ZC3H12D: variants seen among roughly 807,000 people sequenced by gnomAD.
ZC3H12D encodes zinc finger CCCH-type containing 12D.
In ZC3H12D, 11 loss-of-function variants were observed where a neutral mutation model predicts 24.2. That is an observed-to-expected ratio of 0.46 (90% CI 0.29 to 0.75). The LOEUF is 0.75. Among genes scored for constraint, ZC3H12D ranks in the 30% least tolerant of loss-of-function variants. The pLI, the probability that ZC3H12D is intolerant of heterozygous loss-of-function variation, is 0.11. For synonymous variants in ZC3H12D, 333 were observed against 341.8 expected, an observed-to-expected ratio of 0.97 and a Z score of 0.28; for missense variants, 740 against 767.7, an observed-to-expected ratio of 0.96 and a Z score of 0.43.
At chr6:149,466,648 C>T (rs1257966598) in intron 2 of ZC3H12D, among the ~76,000 whole-genome samples, 4 of 152,094 alleles carry the variant, frequency 2.6e-5, no homozygotes, top group Non-Finnish European at 4.4e-5. Context: ...GAGGCCGAGG[C>T]GGGCGGATCA....
At chr6:149,484,071 G>C (rs1156909547) in intron 1 of ZC3H12D, among the ~76,000 whole-genome samples, 3 of 152,176 alleles carry the variant, frequency 2.0e-5, no homozygotes, top group African/African-American at 7.2e-5. Context: ...GGACACACAA[G>C]CATTTAAGCC....
At position 149,449,152 on chromosome 6, in the gene ZC3H12D, TCTC is replaced by T. The variant is rs1410055676; in HGVS notation, c.*1528_*1530del. On this transcript the variant is annotated 3_prime_UTR_variant, in exon 6 of 6. Coordinates refer to ENST00000409806, the MANE Select transcript of ZC3H12D (RefSeq NM_207360.3). ...AGCCATTGCAAATGAGTAGGCCCTT[TCTC>T]CTCAAACCCAGAGCAGTAGCTGGCT... 1 of 152,142 alleles carries T rather than the reference TCTC, an allele frequency of 6.6e-6. No individual in the cohort carries two copies. The highest frequency in any genetic ancestry group is 2.4e-5 in the African/African-American group (1 of 41,426). The allele number at this position is 152,142 out of a possible 1,614,324, so 9.4% of individuals were successfully genotyped here.
Position 149,474,323 on chromosome 6 carries a change from G to C in ZC3H12D, c.221C>G (p.Pro74Arg). The change falls in exon 2 of 6, where the codon CCG becomes CGG. Residue 74 changes from proline (P) to arginine (R), a missense_variant. By Grantham distance (103) the Pro-to-Arg change is moderately radical. Coordinates refer to ENST00000409806, the MANE Select transcript of ZC3H12D (RefSeq NM_207360.3). ...GAAGTCCTCTTCCAGGGCTGTCCCCGGGCCACGCTGGGCAGAGTCCGGGAC... is the reference window on the plus strand; with the variant it reads ...GAAGTCCTCTTCCAGGGCTGTCCCCCGGCCACGCTGGGCAGAGTCCGGGAC... ...CGVPDSAQRG[P>R]GTALEEDFRT... The C allele has an allele frequency of 6.3e-7, 1 of 1,594,078 alleles. No individual in the cohort carries two copies. Among genetic ancestry groups the C allele is most frequent in the Non-Finnish European group, 8.6e-7 (1 of 1,166,102 alleles).
intron 1 of ZC3H12D, among the ~76,000 whole-genome samples, chr6:149,484,538 A>C (rs1776471098): frequency 6.6e-6 from 1 of 152,210 alleles, no homozygotes; most frequent in Non-Finnish European, 1.5e-5. Flanking sequence ...TCCCCCAAAA[A>C]TGTCATCTGG....
intron 1 of ZC3H12D, among the ~76,000 whole-genome samples, chr6:149,480,413 T>G (rs960098160): frequency 6.6e-6 from 1 of 152,240 alleles, no homozygotes; most frequent in Admixed American, 6.5e-5. Context: ...GCACATGTTC[T>G]CACTTATAAG....
rs565370524 is a variant in ZC3H12D, at chr6:149,476,300, T to C, written c.-70-1687A>G. Among the ~76,000 whole-genome samples the C allele has an allele frequency of 3.3e-5, 5 of 152,264 alleles. No homozygotes were observed. The South Asian group carries it at 1.0e-3, about 32-fold the overall frequency. ...TGTGGGTGGATCACAAGGTCAGGAATTCGAGACCGGCCTGGCCAACATGGC... is the reference window on the plus strand; with the variant it reads ...TGTGGGTGGATCACAAGGTCAGGAACTCGAGACCGGCCTGGCCAACATGGC... On this transcript the variant is annotated intron_variant, in intron 1 of 5. Transcript: ENST00000409806.
At chr6:149,475,456 G>T (rs1323251821) in intron 1 of ZC3H12D, among the ~76,000 whole-genome samples, 1 of 152,110 alleles carries the variant, frequency 6.6e-6, no homozygotes, top group Non-Finnish European at 1.5e-5. Flanking sequence ...GGTGGCTCAC[G>T]CCTGTAATCC....
chr6:149,473,299 G>C (rs577205140), intron 2 of ZC3H12D, among the ~76,000 whole-genome samples: 1 of 152,174 alleles, frequency 6.6e-6, no homozygotes, highest in African/African-American at 2.4e-5. Context: ...TGACACATTC[G>C]GTGCCGCGGA....
chr6:149,476,675 G>A (rs1776347362), intron 1 of ZC3H12D, among the ~76,000 whole-genome samples: 2 of 152,154 alleles, frequency 1.3e-5, no homozygotes, highest in Non-Finnish European at 2.9e-5. Context: ...GGGCATGGTG[G>A]CGTTGGCCTG....
At position 149,447,200 on chromosome 6, in the gene ZC3H12D, C is replaced by T. The variant is rs1775796856; in HGVS notation, c.*3483G>A. ...TCCCCCCAGGTGGAACAACACAGAA[C>T]TGCGGCTGCTGAGACTGGCCACAAC... On this transcript the variant is annotated 3_prime_UTR_variant, in exon 6 of 6. Coordinates refer to ENST00000409806, the MANE Select transcript of ZC3H12D (RefSeq NM_207360.3). The T allele has an allele frequency of 6.6e-6, 1 of 152,260 alleles. No homozygotes were observed. The allele number at this position is 152,260 out of a possible 1,614,324, so 9.4% of individuals were successfully genotyped here. A position where few individuals can be genotyped will look rare whatever the true frequency, so the allele number is the denominator to read the frequency against.
chr6:149,459,289 G>A (rs1459440906), intron 3 of ZC3H12D, among the ~76,000 whole-genome samples: 1 of 152,094 alleles, frequency 6.6e-6, no homozygotes, highest in Non-Finnish European at 1.5e-5. Context: ...AATAATTCAG[G>A]ACAACCAGTT....
At chr6:149,477,999 T>C (rs1317003436) in intron 1 of ZC3H12D, among the ~76,000 whole-genome samples, 1 of 151,802 alleles carries the variant, frequency 6.6e-6, no homozygotes, top group African/African-American at 2.4e-5. Context: ...AAAACCCCTC[T>C]CTACTAAAAA....
At chr6:149,470,086 G>A (rs139723091) in intron 2 of ZC3H12D, among the ~76,000 whole-genome samples, 3 of 152,220 alleles carry the variant, frequency 2.0e-5, no homozygotes, top group African/African-American at 4.8e-5. Context: ...TTGACCAGGC[G>A]CGGTGGCTCA....
rs748276532 is a variant in ZC3H12D, at chr6:149,474,480, G to A, written c.64C>T (p.Arg22Trp). The A allele has an allele frequency of 4.4e-5, 69 of 1,582,756 alleles. No homozygotes were observed. The highest frequency in any genetic ancestry group is 1.1e-4 in the African/African-American group (8 of 74,176). The change falls in exon 2 of 6, where the codon CGG becomes TGG. Residue 22 changes from arginine (R) to tryptophan (W), a missense_variant. Arg to Trp is a moderately radical substitution (Grantham distance 101, BLOSUM62 -3). Coordinates refer to ENST00000409806, the MANE Select transcript of ZC3H12D (RefSeq NM_207360.3). ...CCCTCGCCCAGCTTGCCCAACACCCGGAGCACATCCTCCCGGTCATAGCCC... is the reference window on the plus strand; with the variant it reads ...CCCTCGCCCAGCTTGCCCAACACCCAGAGCACATCCTCCCGGTCATAGCCC... ...KLGYDREDVL[R>W]VLGKLGEGAL...
intron 1 of ZC3H12D, among the ~76,000 whole-genome samples, chr6:149,480,604 C>T (rs573756824): frequency 7.2e-5 from 11 of 152,244 alleles, no homozygotes; most frequent in South Asian, 6.2e-4. Context: ...GGCGTGGTGG[C>T]GCATGCCTTT....
chr6:149,465,081 C>T (rs886423890), intron 2 of ZC3H12D, among the ~76,000 whole-genome samples: 4 of 152,262 alleles, frequency 2.6e-5, no homozygotes, highest in South Asian at 2.1e-4. Flanking sequence ...AAAAAGGACG[C>T]GGTGGCTCAT....
At chr6:149,451,688 C>T (rs1775899679) in intron 5 of ZC3H12D, among the ~76,000 whole-genome samples, 1 of 152,254 alleles carries the variant, frequency 6.6e-6, no homozygotes, top group Non-Finnish European at 1.5e-5. Context: ...GAGAAGTGCC[C>T]GGGAGGCGCG....
rs1001604379 is a variant in ZC3H12D at position 149,460,239 on chromosome 6, T to A, written c.445+1592A>T. ...ACATGATGTTCAAAGCAAATACTCA[T>A]TGGAGCATTTCAGATTTGGGATTTT... On this transcript the variant is annotated intron_variant, in intron 3 of 5. Coordinates refer to ENST00000409806, the MANE Select transcript of ZC3H12D (RefSeq NM_207360.3). Among the ~76,000 whole-genome samples, 3 of 152,366 alleles carry A rather than the reference T, an allele frequency of 2.0e-5. No individual in the cohort carries two copies. In the South Asian group the frequency reaches 6.2e-4, roughly 32 times the overall value.
At chr6:149,479,461 G>A (rs1374287524) in intron 1 of ZC3H12D, among the ~76,000 whole-genome samples, 2 of 152,152 alleles carry the variant, frequency 1.3e-5, no homozygotes, top group Admixed American at 6.5e-5. Flanking sequence ...GCCTCTTTTT[G>A]TCTTGGAAGA....
Sources: gnomAD v4.1 joint callset for allele counts (sites outside exome capture counted in the v4.1 genomes callset) on GRCh38, gnomAD v4.1.1 for gene constraint, MANE v1.5 for transcripts, NCBI Gene and HGNC (gene_info 2026-07-23, HGNC 2026-07-21) for gene names.